Variants in GPM6A observed in about 807,000 individuals in gnomAD.
The protein encoded by GPM6A is glycoprotein M6A, also known as neuronal membrane glycoprotein M6-a.
A neutral mutation model predicts 32.1 loss-of-function variants in GPM6A; 7 were observed. The ratio of observed to expected loss-of-function variants is 0.22; its 90% CI spans 0.12 to 0.41. The LOEUF is 0.41. GPM6A is among the 10% of genes least tolerant of loss of function. The pLI is 1.00. For synonymous variants in GPM6A, 130 were observed against 123.4 expected (o/e 1.05, Z -0.35); for missense variants, 235 against 347.2 (o/e 0.68, Z 2.57).
chr4:175,793,619 GC>G (rs1560936256), intron 1 of GPM6A, among the ~76,000 whole-genome samples: 1 of 151,788 alleles, frequency 6.6e-6, no homozygotes, highest in Admixed American at 6.6e-5. Flanking sequence ...CAGTTGATTC[GC>G]CTGCCTCGGC....
At chr4:175,789,130 C>T (rs1733911906) in intron 1 of GPM6A, among the ~76,000 whole-genome samples, 1 of 152,116 alleles carries the variant, frequency 6.6e-6, no homozygotes, top group South Asian at 2.1e-4. Flanking sequence ...CCTAATCTTA[C>T]AAAGTTAATT....
At chr4:175,846,037 C>T (rs138805460) in intron 1 of GPM6A, among the ~76,000 whole-genome samples, 1 of 152,004 alleles carries the variant, frequency 6.6e-6, no homozygotes, top group Admixed American at 6.6e-5. Context: ...ATATTAGTCA[C>T]CCTCAAGTTC....
chr4:175,809,910 T>G (rs1734848828), intron 1 of GPM6A, among the ~76,000 whole-genome samples: 1 of 152,318 alleles, frequency 6.6e-6, no homozygotes, highest in South Asian at 2.1e-4. Flanking sequence ...TGATGTGAAT[T>G]TTAAGTCTTG....
chr4:175,943,320 C>G (rs1739477567), intron 1 of GPM6A, among the ~76,000 whole-genome samples: 2 of 152,192 alleles, frequency 1.3e-5, no homozygotes, highest in African/African-American at 4.8e-5. Context: ...ATCATGTCAT[C>G]TGCAAAGAGA....
At chr4:175,891,047 G>A (rs901620738) in intron 1 of GPM6A, among the ~76,000 whole-genome samples, 8 of 151,886 alleles carry the variant, frequency 5.3e-5, no homozygotes, top group Non-Finnish European at 1.2e-4. Context: ...TAACAACTAG[G>A]GTCTGGCCTG....
intron 1 of GPM6A, among the ~76,000 whole-genome samples, chr4:175,917,303 C>G (rs1440853851): frequency 6.6e-6 from 1 of 152,058 alleles, no homozygotes; most frequent in African/African-American, 2.4e-5. Flanking sequence ...ATTTCAGATG[C>G]TCTCCCCATT....
chr4:175,720,273 C>A (rs1364596962), intron 1 of GPM6A, among the ~76,000 whole-genome samples: 1 of 152,136 alleles, frequency 6.6e-6, no homozygotes, highest in African/African-American at 2.4e-5. Flanking sequence ...GAGGGCTCAG[C>A]CTACATATGA....
intron 4 of GPM6A, among the ~76,000 whole-genome samples, chr4:175,648,309 A>G (rs1384296717): frequency 6.6e-6 from 1 of 152,108 alleles, no homozygotes; most frequent in Non-Finnish European, 1.5e-5. Flanking sequence ...AGCCTCCCAT[A>G]GATGTTCACA....
At chr4:175,650,861 T>A (rs766709182) in intron 4 of GPM6A, among the ~76,000 whole-genome samples, 1 of 152,144 alleles carries the variant, frequency 6.6e-6, no homozygotes, top group African/African-American at 2.4e-5. Context: ...CAGGTGTTAG[T>A]AGGGTGGCTT....
At chr4:175,953,030 TAAA>T (rs376944274) in intron 1 of GPM6A, among the ~76,000 whole-genome samples, 1 of 135,416 alleles carries the variant, frequency 7.4e-6, no homozygotes, top group African/African-American at 2.7e-5. Context: ...ACCCTGTTTT[TAAA>T]AAAAAAAAAA....
intron 1 of GPM6A, among the ~76,000 whole-genome samples, chr4:175,874,854 G>T (rs1737032418): frequency 6.6e-6 from 1 of 152,096 alleles, no homozygotes; most frequent in African/African-American, 2.4e-5. Flanking sequence ...CAAGGCCGTG[G>T]CCATCTGCAG....
intron 1 of GPM6A, among the ~76,000 whole-genome samples, chr4:175,989,336 G>C (rs889501062): frequency 6.6e-6 from 1 of 151,952 alleles, no homozygotes; most frequent in Non-Finnish European, 1.5e-5. Flanking sequence ...TTCATCGTTT[G>C]AGCTTTAAAA....
At chr4:175,975,634 A>C (rs1480917426) in intron 1 of GPM6A, among the ~76,000 whole-genome samples, 2 of 152,238 alleles carry the variant, frequency 1.3e-5, no homozygotes, top group Non-Finnish European at 2.9e-5. Context: ...ATTTTTAGAA[A>C]TATTTAAACA....
At chr4:175,789,820 G>A (rs1442604444) in intron 1 of GPM6A, among the ~76,000 whole-genome samples, 1 of 152,200 alleles carries the variant, frequency 6.6e-6, no homozygotes, top group Non-Finnish European at 1.5e-5. Flanking sequence ...GGCCAGCAAA[G>A]GCTGTTCCTG....
intron 4 of GPM6A, among the ~76,000 whole-genome samples, chr4:175,643,624 G>A (rs1165386364): frequency 6.6e-6 from 1 of 152,024 alleles, no homozygotes; most frequent in Admixed American, 6.6e-5. Context: ...CAGAGCAAGA[G>A]AGACCCCAAC....
chr4:175,832,056 A>T (rs1735632976), intron 1 of GPM6A, among the ~76,000 whole-genome samples: 1 of 151,998 alleles, frequency 6.6e-6, no homozygotes, highest in African/African-American at 2.4e-5. Context: ...TAATGCTGGA[A>T]GTACCTTCCC....
rs552386011 is a variant in GPM6A at position 175,869,785 on chromosome 4, A to C, written c.-22-57536T>G. ...AAAAACAAAAACAAAAACAAACAAA[A>C]AAAAATACTAACAGAGCACTTACTT... is the stretch of plus-strand genomic sequence containing the variant. On this transcript the variant is annotated intron_variant, in intron 1 of 7. Coordinates refer to the GPM6A transcript ENST00000280187. Among the ~76,000 whole-genome samples the C allele has an allele frequency of 3.4e-4, 52 of 152,250 alleles. No individual in the cohort carries two copies. The East Asian group carries it at 4.8e-3, about 14-fold the overall frequency.
At chr4:175,792,889 G>A (rs921214936) in intron 1 of GPM6A, among the ~76,000 whole-genome samples, 1 of 152,038 alleles carries the variant, frequency 6.6e-6, no homozygotes, top group African/African-American at 2.4e-5. Flanking sequence ...TGATAAAGTT[G>A]ACAATGTGGC....
At position 175,784,333 on chromosome 4, in the gene GPM6A, C is replaced by T. The variant is rs528081354; in HGVS notation, c.37+27858G>A. ...ACTGTCACAGCTTGTAGGAAACTAACGCAACAATAGTTTCTTGGATTGTAT... is the reference window on the plus strand; with the variant it reads ...ACTGTCACAGCTTGTAGGAAACTAATGCAACAATAGTTTCTTGGATTGTAT... On this transcript the variant is annotated intron_variant, in intron 1 of 6. Coordinates refer to ENST00000393658, the MANE Select transcript of GPM6A (RefSeq NM_201591.3). Among the ~76,000 whole-genome samples, 10 of 152,168 alleles carry T rather than the reference C, an allele frequency of 6.6e-5. 1 individual carries two copies. The East Asian group carries it at 9.6e-4, about 15-fold the overall frequency.
Sources: allele counts gnomAD v4.1 joint callset (sites outside exome capture counted in the v4.1 genomes callset), GRCh38; gene constraint gnomAD v4.1.1; transcripts MANE v1.5; gene names NCBI Gene and HGNC (gene_info 2026-07-23, HGNC 2026-07-21).